Variants in GDAP1L1 observed in about 807,000 individuals in gnomAD.
GDAP1L1 encodes ganglioside induced differentiation associated protein 1 like 1.
Under a neutral mutation model 37.1 loss-of-function variants are expected in GDAP1L1, and 21 were observed. The observed-to-expected ratio is 0.57, with a 90% CI of 0.40 to 0.81. The LOEUF is 0.81. GDAP1L1 is among the 40% of genes least tolerant of loss of function. The pLI is 0.00. For synonymous variants in GDAP1L1, 193 were observed against 209.1 expected (o/e 0.92, Z 0.67); for missense variants, 362 against 491.6 (o/e 0.74, Z 2.49).
chr20:44,247,370 C>G lies in GDAP1L1; in HGVS notation c.36C>G (p.Cys12Trp). Residue 12 changes from cysteine (C) to tryptophan (W), a missense_variant, in exon 1 of 6, where the codon TGC becomes TGG. Coordinates refer to ENST00000342560, the MANE Select transcript of GDAP1L1 (RefSeq NM_024034.6). Reference protein sequence around the residue: ...ATPNNLTPTNCSWWPISALES... With the variant: ...ATPNNLTPTNWSWWPISALES... ...CCAACAATCTGACCCCCACCAACTG[C>G]AGCTGGTGGCCCATCTCCGCGCTGG... is the stretch of plus-strand genomic sequence containing the variant. The G allele has an allele frequency of 6.2e-7, 1 of 1,613,556 alleles. No individual in the cohort carries two copies. Among genetic ancestry groups the G allele is most frequent in the Non-Finnish European group, 8.5e-7 (1 of 1,179,904 alleles).
chr20:44,253,696 G>T (rs1321842626), intron 1 of GDAP1L1, among the ~76,000 whole-genome samples: 1 of 152,232 alleles, frequency 6.6e-6, no homozygotes, highest in Non-Finnish European at 1.5e-5. Flanking sequence ...AGATGGCCTT[G>T]GTAGCTGAAT....
In GDAP1L1 at chr20:44,265,282, C is replaced by T. The variant is rs890419521; in HGVS notation, c.760+723C>T. The T allele has an allele frequency of 5.1e-6, 5 of 985,160 alleles. No homozygotes were observed. In the Admixed American group the frequency reaches 1.8e-4, roughly 36 times the overall value. The allele number at this position is 985,160 out of a possible 1,614,324, so 61.0% of individuals were successfully genotyped here. A position where few individuals can be genotyped will look rare whatever the true frequency, so the allele number is the denominator to read the frequency against. On this transcript the variant is annotated intron_variant, in intron 5 of 5. Coordinates refer to ENST00000342560, the MANE Select transcript of GDAP1L1 (RefSeq NM_024034.6). ...CCTCCATGCTTTTGCTCCCACAGCC[C>T]CTCCCTCCTGGAGCACCCTTCCTAC...
At chr20:44,252,740 T>C (rs2073468922) in intron 1 of GDAP1L1, among the ~76,000 whole-genome samples, 1 of 151,810 alleles carries the variant, frequency 6.6e-6, no homozygotes, top group African/African-American at 2.4e-5. Flanking sequence ...GGAAAATCGA[T>C]TGAATCCAGG....
In GDAP1L1 at chr20:44,250,603, G is replaced by T. The variant is rs944600088; in HGVS notation, c.180+3089G>T. Among the ~76,000 whole-genome samples the T allele has an allele frequency of 2.0e-5, 3 of 152,176 alleles. No homozygotes were observed. The South Asian group carries it at 6.2e-4, about 32-fold the overall frequency. On this transcript the variant is annotated intron_variant, in intron 1 of 5. Coordinates refer to ENST00000342560, the MANE Select transcript of GDAP1L1 (RefSeq NM_024034.6). Reference sequence around the variant, plus strand: ...AGCTTTCTCATATATTTGGGGGAGAGGGTTGAGGAGATTGAGTGATATCAT... The same window carrying T: ...AGCTTTCTCATATATTTGGGGGAGATGGTTGAGGAGATTGAGTGATATCAT...
chr20:44,276,412 A>AAAAGAAAGAAAGAAGGAAAGAAAG (rs2062576846), intron 5 of GDAP1L1, among the ~76,000 whole-genome samples: 1 of 113,308 alleles, frequency 8.8e-6, no homozygotes, highest in Non-Finnish European at 1.8e-5. Flanking sequence ...AGAAAAAAGA[A>AAAAGAAAGAAAGAAGGAAAGAAAG]AAAGAAAGAA....
intron 5 of GDAP1L1, among the ~76,000 whole-genome samples, chr20:44,276,062 C>A (rs367685604): frequency 6.6e-6 from 1 of 151,854 alleles, no homozygotes; most frequent in African/African-American, 2.4e-5. Flanking sequence ...TGGCTCACAC[C>A]TGTAATCCCA....
intron 5 of GDAP1L1, among the ~76,000 whole-genome samples, chr20:44,266,502 C>T (rs2073764352): frequency 6.6e-6 from 1 of 152,050 alleles, no homozygotes; most frequent in Non-Finnish European, 1.5e-5. Flanking sequence ...ATGTTATTCA[C>T]TTATGCATTA....
intron 5 of GDAP1L1, chr20:44,265,518 G>A: frequency 3.1e-6 from 3 of 974,200 alleles, no homozygotes; most frequent in Non-Finnish European, 3.7e-6. Context: ...TAAACAGATG[G>A]GGTTAGAGTA....
rs1240643669 is a variant in GDAP1L1 at position 44,279,559 on chromosome 20, G to A, written c.*259G>A. 9.5e-6 allele frequency: 6 copies of A among 629,930 alleles called. No individual in the cohort carries two copies. The highest frequency in any genetic ancestry group is 1.8e-5 in the Non-Finnish European group (6 of 329,990). The allele number at this position is 629,930 out of a possible 1,614,324, so 39.0% of individuals were successfully genotyped here. A position where few individuals can be genotyped will look rare whatever the true frequency, so the allele number is the denominator to read the frequency against. On this transcript the variant is annotated 3_prime_UTR_variant, in exon 6 of 6. Coordinates refer to ENST00000342560, the MANE Select transcript of GDAP1L1 (RefSeq NM_024034.6). ...AGAAAAAACAAAAAACAGAAAACAC[G>A]AATGCCTTTTCTATCGATTCAAGGT...
intron 3 of GDAP1L1, among the ~76,000 whole-genome samples, chr20:44,260,504 A>G (rs2073652682): frequency 1.3e-5 from 2 of 152,150 alleles, no homozygotes; most frequent in Admixed American, 1.3e-4. Flanking sequence ...TTTCAACAAT[A>G]TACATGTATA....
intron 1 of GDAP1L1, among the ~76,000 whole-genome samples, chr20:44,252,315 C>T (rs959602408): frequency 1.3e-5 from 2 of 152,162 alleles, no homozygotes; most frequent in African/African-American, 4.8e-5. Context: ...AGTTTGAGAC[C>T]AGTCTGGCCA....
intron 5 of GDAP1L1, chr20:44,265,101 A>G (rs1326141705): frequency 2.0e-6 from 2 of 985,252 alleles, no homozygotes; most frequent in Non-Finnish European, 2.4e-6. Context: ...CTTGATGGCC[A>G]CTACCCACCA....
At chr20:44,257,086 C>T (rs891826552) in intron 1 of GDAP1L1, 67 bp from the exon 2 acceptor site, 90 of 1,467,314 alleles carry the variant, frequency 6.1e-5, no homozygotes, top group Non-Finnish European at 7.5e-5. Context: ...CGCACACCCC[C>T]GCCCCACCTG....
At chr20:44,254,729 C>T (rs2073507314) in intron 1 of GDAP1L1, among the ~76,000 whole-genome samples, 1 of 152,212 alleles carries the variant, frequency 6.6e-6, no homozygotes, top group African/African-American at 2.4e-5. Flanking sequence ...ACCTATAGGA[C>T]CTGCTCTTGG....
intron 5 of GDAP1L1, among the ~76,000 whole-genome samples, chr20:44,270,210 G>T (rs576041295): frequency 8.4e-6 from 1 of 119,708 alleles, no homozygotes; most frequent in East Asian, 2.6e-4. Flanking sequence ...TCGCTCTGTC[G>T]CCCAGGCTGG....
rs1219568763 is a variant in GDAP1L1 at position 44,279,526 on chromosome 20, A to C, written c.*226A>C. 4.4e-6 allele frequency: 3 copies of C among 688,560 alleles called. No homozygotes were observed. The highest frequency in any genetic ancestry group is 2.0e-5 in the Admixed American group (1 of 49,102). The allele number at this position is 688,560 out of a possible 1,614,324, so 42.7% of individuals were successfully genotyped here. A position where few individuals can be genotyped will look rare whatever the true frequency, so the allele number is the denominator to read the frequency against. On this transcript the variant is annotated 3_prime_UTR_variant, in exon 6 of 6. Transcript: ENST00000342560. Reference sequence around the variant, plus strand: ...TACTAAAAGAGAGAGAGGAAGCGAGAGAGAGAGAGAAAAAACAAAAAACAG... The same window carrying C: ...TACTAAAAGAGAGAGAGGAAGCGAGCGAGAGAGAGAAAAAACAAAAAACAG...
At chr20:44,260,650 A>G (rs751214924) in intron 3 of GDAP1L1, among the ~76,000 whole-genome samples, 6 of 152,192 alleles carry the variant, frequency 3.9e-5, no homozygotes, top group Non-Finnish European at 7.3e-5. Flanking sequence ...TCCAAAATGC[A>G]GCAGCGACCG....
At chr20:44,270,637 C>T (rs1200278759) in intron 5 of GDAP1L1, among the ~76,000 whole-genome samples, 1 of 152,184 alleles carries the variant, frequency 6.6e-6, no homozygotes, top group Non-Finnish European at 1.5e-5. Context: ...CCGGAGGATC[C>T]ACTTCCAAGC....
chr20:44,274,594 C>A (rs1467213085), intron 5 of GDAP1L1, among the ~76,000 whole-genome samples: 1 of 152,198 alleles, frequency 6.6e-6, no homozygotes, highest in Non-Finnish European at 1.5e-5. Context: ...TCTTCGGAAC[C>A]CTGTCCTAAG....
Sources: gnomAD v4.1 joint callset for allele counts (sites outside exome capture counted in the v4.1 genomes callset) on GRCh38, gnomAD v4.1.1 for gene constraint, MANE v1.5 for transcripts, NCBI Gene and HGNC (gene_info 2026-07-23, HGNC 2026-07-21) for gene names.